The following BRD8 variants were observed in gnomAD, a reference collection of about 807,000 sequenced individuals.
BRD8 encodes the protein bromodomain-containing protein 8.
In BRD8, 67 loss-of-function variants were observed where a neutral mutation model predicts 143.1. That is an observed-to-expected ratio of 0.47 (90% CI 0.38 to 0.57). BRD8 has a LOEUF of 0.57. BRD8 is among the 20% of genes least tolerant of loss of function. BRD8 has a pLI of 0.00. For synonymous variants in BRD8, 505 were observed against 517.1 expected (o/e 0.98, Z 0.32); for missense variants, 1,103 against 1,503.0 (o/e 0.73, Z 4.40).
In BRD8 at chr5:138,169,207, T is replaced by C; in HGVS notation, c.642+15A>G. On this transcript the variant is annotated intron_variant, in intron 8 of 26. Coordinates refer to ENST00000254900, the MANE Select transcript of BRD8 (RefSeq NM_139199.2). ...CCCTTCACTGATCAATTCCCACAGA[T>C]GGAAATATACTCACCCCAGAGGTAG... 1.2e-6 allele frequency: 2 copies of C among 1,610,972 alleles called. No individual in the cohort carries two copies. The highest frequency in any genetic ancestry group is 1.7e-6 in the Non-Finnish European group (2 of 1,179,134).
intron 10 of BRD8, 60 bp downstream of exon 10, chr5:138,166,457 AT>A: frequency 1.8e-6 from 2 of 1,126,296 alleles, no homozygotes; most frequent in Non-Finnish European, 2.5e-6. Flanking sequence ...GCTCTTGGTC[AT>A]TTTTCTCTAA....
chr5:138,163,628 G>C, intron 14 of BRD8: 1 of 1,413,812 alleles, frequency 7.1e-7, no homozygotes, highest in Non-Finnish European at 9.3e-7. Flanking sequence ...CCCCTTGCTC[G>C]AGAGTAACTC....
intron 1 of BRD8, among the ~76,000 whole-genome samples, chr5:138,178,118 G>C (rs1754511166): frequency 6.6e-6 from 1 of 152,056 alleles, no homozygotes; most frequent in Non-Finnish European, 1.5e-5. Flanking sequence ...TCCAAATGTC[G>C]GGGGTAAAAG....
intron 20 of BRD8, among the ~76,000 whole-genome samples, chr5:138,156,359 C>T (rs993688604): frequency 3.4e-4 from 52 of 151,958 alleles, no homozygotes; most frequent in Admixed American, 1.2e-3. Context: ...AGGCTGGTCT[C>T]GAACTCCTGA....
At chr5:138,152,800 A>G in intron 20 of BRD8, 40 bp from the exon 21 acceptor site, 2 of 1,585,038 alleles carry the variant, frequency 1.3e-6, no homozygotes, top group Non-Finnish European at 1.7e-6. Context: ...ATTCATTCAA[A>G]TAAATATTCC....
chr5:138,160,843 A>G, intron 18 of BRD8, 48 bp downstream of exon 18: 1 of 1,504,452 alleles, frequency 6.6e-7, no homozygotes, highest in Non-Finnish European at 8.9e-7. Flanking sequence ...CTCCCCTTGA[A>G]GTATTTTAAT....
At chr5:138,143,600 CA>C (rs1402241218) in intron 25 of BRD8, among the ~76,000 whole-genome samples, 1 of 150,850 alleles carries the variant, frequency 6.6e-6, no homozygotes. Flanking sequence ...GTAAACACAC[CA>C]ATCAGTGCTC....
intron 14 of BRD8, chr5:138,163,588 T>TA (rs1467767115): frequency 6.9e-7 from 1 of 1,453,158 alleles, no homozygotes; most frequent in Non-Finnish European, 9.1e-7. Flanking sequence ...GCTACTTACT[T>TA]AAGACTAAGC....
At chr5:138,140,207 T>A in intron 26 of BRD8, 41 bp from the exon 27 acceptor site, 2 of 1,418,622 alleles carry the variant, frequency 1.4e-6, no homozygotes. Context: ...TTATGAACCT[T>A]AAACACTAAA....
Position 138,150,768 on chromosome 5 carries a change from C to T in BRD8, c.3097G>A (p.Gly1033Arg), listed in dbSNP as rs756899547. The change falls in exon 22 of 27, where the codon GGA becomes AGA. Residue 1033 changes from glycine (G) to arginine (R), a missense_variant. Gly to Arg is a moderately radical substitution (Grantham distance 125). This residue lies in a region of BRD8 where 369 missense variants were observed against 445.5 expected (regional missense o/e 0.83). Coordinates refer to ENST00000254900, the MANE Select transcript of BRD8 (RefSeq NM_139199.2). ...SAPSVICTVQ[G>R]LLTESEEGEA... ...ACCTCTTCACTCTCTGTGAGTAGTC[C>T]CTGAACTGTACAAATAACTGAGGGA... The T allele has an allele frequency of 5.6e-6, 9 of 1,613,528 alleles. No homozygotes were observed. The highest frequency in any genetic ancestry group is 7.6e-6 in the Non-Finnish European group (9 of 1,179,894).
intron 23 of BRD8, among the ~76,000 whole-genome samples, chr5:138,147,426 T>C (rs1281894306): frequency 3.3e-5 from 5 of 151,418 alleles, no homozygotes; most frequent in African/African-American, 1.2e-4. Context: ...TGGGATATAC[T>C]GAAGAAAAAA....
In BRD8 at chr5:138,160,559, A is replaced by G. The variant is rs147347938; in HGVS notation, c.2427+332T>C. On this transcript the variant is annotated intron_variant, in intron 18 of 26. Coordinates refer to ENST00000254900, the MANE Select transcript of BRD8 (RefSeq NM_139199.2). ...CACAATCATAGGATAAAAGCAGGGA[A>G]AAGGAAAGGAGAAACTCTTATTTGC... Among the ~76,000 whole-genome samples the G allele has an allele frequency of 3.5e-4, 53 of 152,336 alleles. 1 individual carries two copies. The East Asian group carries it at 9.6e-3, about 28-fold the overall frequency.
intron 20 of BRD8, among the ~76,000 whole-genome samples, chr5:138,154,303 C>A (rs948718805): frequency 6.6e-6 from 1 of 152,142 alleles, no homozygotes; most frequent in African/African-American, 2.4e-5. Context: ...TTAGTATAAT[C>A]CCTGTTCTAA....
chr5:138,144,266 C>A (rs927149242), intron 25 of BRD8, among the ~76,000 whole-genome samples: 1 of 152,164 alleles, frequency 6.6e-6, no homozygotes, highest in Non-Finnish European at 1.5e-5. Flanking sequence ...TGAAGGTCTG[C>A]AGCTTCACTC....
rs10051112 is a variant in BRD8 at position 138,177,701 on chromosome 5, A to C, written c.20-34T>G. On this transcript the variant is annotated intron_variant, in intron 1 of 26. Transcript: ENST00000254900. ...GGGAGAAAAAAAAAAAAGCCTTGGA[A>C]ACAACCACTGAGACTGTAGTGCTAA... The C allele has an allele frequency of 1.8e-3, 2,321 of 1,323,846 alleles. 34 individuals are homozygous for C. The African/African-American group carries it at 0.03, about 17-fold the overall frequency. 82.0% of individuals were successfully genotyped at this position (1,323,846 alleles called of 1,614,324 possible).
At chr5:138,172,545 A>AAAAC (rs1753956211) in intron 2 of BRD8, among the ~76,000 whole-genome samples, 1 of 137,816 alleles carries the variant, frequency 7.3e-6, no homozygotes, top group Non-Finnish European at 1.6e-5. Context: ...AAAAAAAAAA[A>AAAAC]AGCCAATGAA....
intron 13 of BRD8, 34 bp from the exon 14 acceptor site, chr5:138,164,167 T>TC: frequency 6.2e-7 from 1 of 1,611,026 alleles, no homozygotes; most frequent in Non-Finnish European, 8.5e-7. Flanking sequence ...TGAAGATTTT[T>TC]CCACCTTAGC....
chr5:138,152,414 T>C (rs541473708), intron 21 of BRD8, 68 bp downstream of exon 21: 11 of 1,571,066 alleles, frequency 7.0e-6, no homozygotes, highest in Non-Finnish European at 9.5e-6. Context: ...GGTAGAAGCA[T>C]GTAAGGATAA....
At chr5:138,158,678 G>A (rs1752776135) in intron 20 of BRD8, among the ~76,000 whole-genome samples, 1 of 151,260 alleles carries the variant, frequency 6.6e-6, no homozygotes. Context: ...CCCGACCTCA[G>A]GTGATCTGCC....
Sources: gnomAD v4.1 joint callset for allele counts (sites outside exome capture counted in the v4.1 genomes callset) on GRCh38, gnomAD v4.1.1 for gene constraint, gnomAD v4.1.1 regional missense constraint, MANE v1.5 for transcripts, NCBI Gene and HGNC (gene_info 2026-07-23, HGNC 2026-07-21) for gene names.